CDH13: variants seen among roughly 807,000 people sequenced by gnomAD.
The protein encoded by CDH13 is cadherin-13.
In CDH13, 24 loss-of-function variants were observed where a neutral mutation model predicts 63.8. That is an observed-to-expected ratio of 0.38 (90% CI 0.27 to 0.53). CDH13 has a LOEUF of 0.53. Among genes scored for constraint, CDH13 ranks in the 20% least tolerant of loss-of-function variants. The pLI is 0.85. For missense variants in CDH13, 1,049 were observed against 903.1 expected, an observed-to-expected ratio of 1.16 and a Z score of -2.07; for synonymous variants, 503 against 355.3, an observed-to-expected ratio of 1.42 and a Z score of -4.67.
At chr16:83,744,485 G>T (rs1029071647) in intron 10 of CDH13, among the ~76,000 whole-genome samples, 1 of 152,210 alleles carries the variant, frequency 6.6e-6, no homozygotes, top group Non-Finnish European at 1.5e-5. Context: ...CAGCAGCAAG[G>T]GCATGTGGAA....
chr16:83,073,862 GAC>G (rs1178225168), intron 3 of CDH13, among the ~76,000 whole-genome samples: 2 of 151,832 alleles, frequency 1.3e-5, no homozygotes, highest in African/African-American at 2.4e-5. Context: ...GTTTTTTATT[GAC>G]ACATAATATT....
chr16:83,700,841 A>G (rs1906109742), intron 10 of CDH13, among the ~76,000 whole-genome samples: 1 of 152,162 alleles, frequency 6.6e-6, no homozygotes, highest in Non-Finnish European at 1.5e-5. Context: ...TGTGTAATTA[A>G]ACGGGCCACG....
intron 3 of CDH13, among the ~76,000 whole-genome samples, chr16:83,092,941 T>C (rs954364488): frequency 2.6e-5 from 4 of 152,218 alleles, no homozygotes; most frequent in African/African-American, 9.6e-5. Context: ...GCAAGATTTG[T>C]GTGGAATCTA....
chr16:83,080,726 C>T (rs752394519), intron 3 of CDH13, among the ~76,000 whole-genome samples: 2 of 151,896 alleles, frequency 1.3e-5, no homozygotes, highest in Non-Finnish European at 1.5e-5. Context: ...AACATAGAGG[C>T]GGCAATGGGG....
At chr16:83,742,716 G>C (rs536629850) in intron 10 of CDH13, among the ~76,000 whole-genome samples, 1 of 152,220 alleles carries the variant, frequency 6.6e-6, no homozygotes, top group East Asian at 1.9e-4. Flanking sequence ...CCTCCACATC[G>C]GGAACGATGG....
At chr16:83,007,836 AAG>A (rs1057019078) in intron 2 of CDH13, among the ~76,000 whole-genome samples, 1 of 151,884 alleles carries the variant, frequency 6.6e-6, no homozygotes, top group Non-Finnish European at 1.5e-5. Flanking sequence ...AAAAAAAAAA[AAG>A]AGAGAAAAGA....
chr16:83,252,383 C>G (rs1026037714), intron 5 of CDH13, among the ~76,000 whole-genome samples: 2 of 151,436 alleles, frequency 1.3e-5, no homozygotes, highest in African/African-American at 4.9e-5. Flanking sequence ...TAATCATGGC[C>G]ATAACTTCCT....
chr16:82,816,951 A>G (rs1397814904), intron 1 of CDH13, among the ~76,000 whole-genome samples: 1 of 151,980 alleles, frequency 6.6e-6, no homozygotes, highest in Non-Finnish European at 1.5e-5. Context: ...AACATGACCT[A>G]AAAGAGAGGG....
intron 3 of CDH13, among the ~76,000 whole-genome samples, chr16:83,055,933 A>C (rs2030881539): frequency 6.6e-6 from 1 of 152,186 alleles, no homozygotes; most frequent in South Asian, 2.1e-4. Flanking sequence ...ACAGTGGAAA[A>C]AAAATCTTTG....
chr16:83,628,216 C>G (rs569337994), intron 8 of CDH13, among the ~76,000 whole-genome samples: 54 of 152,334 alleles, frequency 3.5e-4, no homozygotes, highest in Non-Finnish European at 6.6e-4. Flanking sequence ...CAGTCAGCCC[C>G]TGTTCAAGAT....
intron 4 of CDH13, among the ~76,000 whole-genome samples, chr16:83,155,652 G>A (rs1051504736): frequency 1.3e-5 from 2 of 152,104 alleles, no homozygotes; most frequent in Non-Finnish European, 2.9e-5. Context: ...TGCATTGGGG[G>A]CCTATTGTGT....
At chr16:83,153,040 C>CA (rs944958259) in intron 4 of CDH13, among the ~76,000 whole-genome samples, 2 of 152,152 alleles carry the variant, frequency 1.3e-5, no homozygotes, top group African/African-American at 4.8e-5. Context: ...GCTGCCTACC[C>CA]AGAGCCAACT....
chr16:83,329,398 GTA>G (rs1486675459), intron 5 of CDH13, among the ~76,000 whole-genome samples: 6 of 116,606 alleles, frequency 5.1e-5, no homozygotes, highest in South Asian at 2.7e-4. Context: ...GCTAATTTTT[GTA>G]TTTTTTTTTT....
At chr16:83,318,970 T>C (rs2090164061) in intron 5 of CDH13, among the ~76,000 whole-genome samples, 1 of 151,348 alleles carries the variant, frequency 6.6e-6, no homozygotes, top group Non-Finnish European at 1.5e-5. Flanking sequence ...ATAATAATAA[T>C]TCAATCATTA....
intron 1 of CDH13, among the ~76,000 whole-genome samples, chr16:82,656,095 C>G (rs1465031519): frequency 6.6e-6 from 1 of 152,202 alleles, no homozygotes; most frequent in East Asian, 1.9e-4. Context: ...AGAGAAAGAG[C>G]ATCTGCCTTG....
At chr16:83,301,425 T>G (rs1325567032) in intron 5 of CDH13, among the ~76,000 whole-genome samples, 1 of 152,144 alleles carries the variant, frequency 6.6e-6, no homozygotes, top group Non-Finnish European at 1.5e-5. Context: ...GCCGTGCTGG[T>G]TTTACCCAGT....
At chr16:82,927,248 T>TGGG (rs1273940267) in intron 2 of CDH13, among the ~76,000 whole-genome samples, 4 of 152,148 alleles carry the variant, frequency 2.6e-5, no homozygotes, top group African/African-American at 7.2e-5. Flanking sequence ...TTATAGCAGT[T>TGGG]GGGGCAGTCA....
At chr16:82,752,489 T>C (rs1177732514) in intron 1 of CDH13, among the ~76,000 whole-genome samples, 1 of 152,254 alleles carries the variant, frequency 6.6e-6, no homozygotes, top group Non-Finnish European at 1.5e-5. Flanking sequence ...CAGATGCCTG[T>C]ACAGTTCTTG....
In CDH13 at chr16:83,375,971, G is replaced by A. The variant is rs1597864546; in HGVS notation, c.781+30965G>A. On this transcript the variant is annotated intron_variant, in intron 6 of 13. Coordinates refer to ENST00000567109, the MANE Select transcript of CDH13 (RefSeq NM_001257.5). Reference sequence around the variant, plus strand: ...GACTATTAGGGTGAGTTTAAGCAGGGAAAAAAAATTGCATCAGCTCATTTA... The same window carrying A: ...GACTATTAGGGTGAGTTTAAGCAGGAAAAAAAAATTGCATCAGCTCATTTA... Among the ~76,000 whole-genome samples the A allele has an allele frequency of 2.0e-5, 3 of 151,906 alleles. No individual in the cohort carries two copies. The East Asian group carries it at 5.8e-4, about 29-fold the overall frequency.
Sources: allele counts gnomAD v4.1 joint callset (sites outside exome capture counted in the v4.1 genomes callset), GRCh38; gene constraint gnomAD v4.1.1; transcripts MANE v1.5; gene names NCBI Gene and HGNC (gene_info 2026-07-23, HGNC 2026-07-21).